The following DLGAP2 variants were observed in gnomAD, a reference collection of about 807,000 sequenced individuals.
DLGAP2 encodes the protein disks large-associated protein 2.
A neutral mutation model predicts 100.3 loss-of-function variants in DLGAP2; 26 were observed. That is an observed-to-expected ratio of 0.26 (90% CI 0.19 to 0.36). DLGAP2 has a LOEUF of 0.36. DLGAP2 is among the 10% of genes least tolerant of loss of function. The pLI, the probability that DLGAP2 is intolerant of heterozygous loss-of-function variation, is 1.00. For synonymous variants in DLGAP2, 886 were observed against 630.1 expected (o/e 1.41, Z -6.08); for missense variants, 1,858 against 1,453.2 (o/e 1.28, Z -4.53).
intron 2 of DLGAP2, among the ~76,000 whole-genome samples, chr8:1,242,476 A>C (rs922015967): frequency 6.6e-6 from 1 of 152,188 alleles, no homozygotes; most frequent in African/African-American, 2.4e-5. Flanking sequence ...TTTCTTATGA[A>C]ATGTCCCATC....
At chr8:858,943 A>G (rs974986919) in intron 1 of DLGAP2, among the ~76,000 whole-genome samples, 9 of 152,096 alleles carry the variant, frequency 5.9e-5, no homozygotes, top group African/African-American at 2.2e-4. Flanking sequence ...TAAGCTGTTA[A>G]TGGTGGGGAA....
chr8:1,174,068 G>C (rs79029217), intron 2 of DLGAP2, among the ~76,000 whole-genome samples: 3,953 of 152,292 alleles, frequency 0.026, 205 homozygotes, highest in African/African-American at 0.09. Flanking sequence ...TGCCTGGGCT[G>C]TTGTAGGGGT....
At chr8:1,555,688 T>C (rs1163235602) in intron 5 of DLGAP2, among the ~76,000 whole-genome samples, 1 of 152,206 alleles carries the variant, frequency 6.6e-6, no homozygotes, top group Non-Finnish European at 1.5e-5. Context: ...CGGTGTGTCA[T>C]CGCTGGGAGC....
rs146609702 is a variant in DLGAP2, at chr8:1,327,263, A to C, written c.106+68380A>C. Among the ~76,000 whole-genome samples, 442 of 152,350 alleles carry C rather than the reference A, an allele frequency of 2.9e-3. 2 individuals carry two copies. The highest frequency in any genetic ancestry group is 9.8e-3 in the African/African-American group (408 of 41,586). ...AGTGACCAACCAGGGTCCCTTGGCC[A>C]AGGCGGATGTGATGGGCCCACCCTC... On this transcript the variant is annotated intron_variant, in intron 3 of 14. Coordinates refer to ENST00000637795, the MANE Select transcript of DLGAP2 (RefSeq NM_001346810.2).
chr8:1,170,462 C>G (rs1169670155), intron 2 of DLGAP2, among the ~76,000 whole-genome samples: 1 of 152,074 alleles, frequency 6.6e-6, no homozygotes, highest in Non-Finnish European at 1.5e-5. Context: ...GCAATGGTAC[C>G]AGTTCATCCT....
intron 2 of DLGAP2, among the ~76,000 whole-genome samples, chr8:1,160,429 G>A (rs1247121607): frequency 1.3e-5 from 2 of 152,194 alleles, no homozygotes; most frequent in Non-Finnish European, 2.9e-5. Context: ...GAGTGTGCAC[G>A]TGTGCATAAT....
At position 1,440,046 on chromosome 8, in the gene DLGAP2, A is replaced by G. The variant is rs558683271; in HGVS notation, c.107-61320A>G. Among the ~76,000 whole-genome samples, 4 of 152,328 alleles carry G rather than the reference A, an allele frequency of 2.6e-5. No individual in the cohort carries two copies. The South Asian group carries it at 6.2e-4, about 24-fold the overall frequency. On this transcript the variant is annotated intron_variant, in intron 3 of 14. Transcript: ENST00000637795. ...ATGTAAAGATACAGATGTGGTTTAA[A>G]GACTCTTCTCAACCTCTGAGCTCAG...
chr8:1,295,565 C>A (rs1029497279), intron 3 of DLGAP2, among the ~76,000 whole-genome samples: 1 of 152,180 alleles, frequency 6.6e-6, no homozygotes, highest in South Asian at 2.1e-4. Context: ...TGGTCAGCCC[C>A]CGCTCCTGGA....
At chr8:1,490,643 C>T (rs1305590174) in intron 3 of DLGAP2, among the ~76,000 whole-genome samples, 1 of 152,154 alleles carries the variant, frequency 6.6e-6, no homozygotes, top group Non-Finnish European at 1.5e-5. Flanking sequence ...CACTTTTGTT[C>T]TTCCTCCCTT....
chr8:1,619,753 C>A (rs113988414), intron 6 of DLGAP2: 5 of 152,148 alleles, frequency 3.3e-5, no homozygotes, highest in African/African-American at 4.8e-5. Flanking sequence ...CCTCATTGTA[C>A]GTTGCATAGA....
At chr8:784,066 C>A (rs962836763) in intron 1 of DLGAP2, among the ~76,000 whole-genome samples, 6 of 152,254 alleles carry the variant, frequency 3.9e-5, no homozygotes, top group African/African-American at 1.4e-4. Flanking sequence ...CATCTTACAG[C>A]TATTAAAAAA....
intron 3 of DLGAP2, among the ~76,000 whole-genome samples, chr8:1,445,938 T>C (rs1421311451): frequency 6.6e-6 from 1 of 152,182 alleles, no homozygotes; most frequent in Admixed American, 6.5e-5. Flanking sequence ...GATGGGGTCG[T>C]TTGCTTTTTT....
At chr8:1,441,256 A>C (rs1797823827) in intron 3 of DLGAP2, among the ~76,000 whole-genome samples, 1 of 152,166 alleles carries the variant, frequency 6.6e-6, no homozygotes, top group African/African-American at 2.4e-5. Flanking sequence ...TTATGTATAT[A>C]CTGCTTATCG....
intron 3 of DLGAP2, among the ~76,000 whole-genome samples, chr8:1,316,923 C>A (rs1425433926): frequency 1.8e-5 from 2 of 110,196 alleles, no homozygotes; most frequent in Non-Finnish European, 3.7e-5. Context: ...GTCTCTCCAA[C>A]AGTGGTCTAC....
At chr8:1,542,966 T>C (rs1215046776) in intron 4 of DLGAP2, among the ~76,000 whole-genome samples, 4 of 152,230 alleles carry the variant, frequency 2.6e-5, no homozygotes, top group Non-Finnish European at 4.4e-5. Flanking sequence ...TGGTGAGTGA[T>C]TCTGAACGCC....
chr8:1,261,883 G>A (rs947688570), intron 3 of DLGAP2, among the ~76,000 whole-genome samples: 1 of 152,218 alleles, frequency 6.6e-6, no homozygotes, highest in African/African-American at 2.4e-5. Flanking sequence ...ACTCATAAAT[G>A]TCATGGCACA....
In DLGAP2 at chr8:1,349,708, C is replaced by G. The variant is rs1009071915; in HGVS notation, c.106+90825C>G. On this transcript the variant is annotated intron_variant, in intron 3 of 14. Transcript: ENST00000637795. ...GCCTCCTGCCCACATCCACGCATGT[C>G]ATGAGCCTCCCGCCCACATCCACAC... 2.0e-5 allele frequency among the ~76,000 whole-genome samples: 3 copies of G among 151,510 alleles called. 1 individual carries two copies. The highest frequency in any genetic ancestry group is 4.4e-5 in the Non-Finnish European group (3 of 67,868).
At chr8:1,670,874 G>T (rs1798673930) in intron 10 of DLGAP2, among the ~76,000 whole-genome samples, 1 of 152,226 alleles carries the variant, frequency 6.6e-6, no homozygotes, top group South Asian at 2.1e-4. Flanking sequence ...GGAAAAGAAG[G>T]AATCGAGCAG....
intron 5 of DLGAP2, among the ~76,000 whole-genome samples, chr8:1,554,422 C>A (rs571531524): frequency 1.3e-5 from 2 of 152,168 alleles, no homozygotes; most frequent in Non-Finnish European, 2.9e-5. Context: ...GGTGTGGTGG[C>A]CTGGGACAGC....
Sources: gnomAD v4.1 joint callset for allele counts (sites outside exome capture counted in the v4.1 genomes callset) on GRCh38, gnomAD v4.1.1 for gene constraint, MANE v1.5 for transcripts, NCBI Gene and HGNC (gene_info 2026-07-23, HGNC 2026-07-21) for gene names.